PRPF8: variants seen among roughly 807,000 people sequenced by gnomAD.
PRPF8 encodes pre-mRNA processing factor 8, also known as pre-mRNA-processing-splicing factor 8.
In PRPF8, 64 loss-of-function variants were observed where a neutral mutation model predicts 285.9. The ratio of observed to expected loss-of-function variants is 0.22; its 90% CI spans 0.18 to 0.28. PRPF8 has a LOEUF of 0.28. PRPF8 is among the 10% of genes least tolerant of loss of function. The pLI is 1.00. For missense variants in PRPF8, 1,426 were observed against 3,026.7 expected (o/e 0.47, Z 12.41); for synonymous variants, 1,325 against 1,118.2 (o/e 1.18, Z -3.69).
At chr17:1,672,915 T>G in intron 24 of PRPF8, 166 bp downstream of exon 24, 1 of 704,426 alleles carries the variant, frequency 1.4e-6, no homozygotes, top group Non-Finnish European at 2.6e-6. Flanking sequence ...AAAATAACGA[T>G]GAAGTGACCT....
rs1294063252 is a variant in PRPF8, at chr17:1,676,071, G to A, written c.2553-17C>T. 5.6e-6 allele frequency: 9 copies of A among 1,612,716 alleles called. No individual in the cohort carries two copies. The highest frequency in any genetic ancestry group is 7.6e-6 in the Non-Finnish European group (9 of 1,180,026). The stretch of plus-strand genomic sequence containing the variant: ...GACTTCACACTGACAAAAGCAATGG[G>A]AAGGGTGAATGGGAAAACTAGGAGG... On this transcript the variant is annotated splice_polypyrimidine_tract_variant and intron_variant, in intron 17 of 42. Coordinates refer to ENST00000304992, the MANE Select transcript of PRPF8 (RefSeq NM_006445.4). This position sits in a 1 kb window ranked among gnomAD's most constrained non-coding sequence, Gnocchi z 6.3.
Position 1,684,762 on chromosome 17 carries a change from TA to T in PRPF8, c.-12+17del. ...GACCACGCCTCCCGCAGCCCGGCCT[TA>T]AACGCCTGCCACGCACCCCACAGGC... On this transcript the variant is annotated intron_variant, in intron 1 of 42. Coordinates refer to ENST00000304992, the MANE Select transcript of PRPF8 (RefSeq NM_006445.4). The T allele has an allele frequency of 1.6e-6, 1 of 641,506 alleles. No homozygotes were observed. Among genetic ancestry groups the T allele is most frequent in the Non-Finnish European group, 2.8e-6 (1 of 358,406 alleles). The allele number at this position is 641,506 out of a possible 1,614,324, so 39.7% of individuals were successfully genotyped here.
intron 3 of PRPF8, among the ~76,000 whole-genome samples, chr17:1,682,578 C>T (rs62089990): frequency 0.025 from 3,800 of 152,240 alleles, 68 homozygotes; most frequent in Middle Eastern, 0.041. Context: ...CATCCTATTC[C>T]CTCCGCATCT....
At position 1,675,043 on chromosome 17, in the gene PRPF8, G is replaced by T. The variant is rs1912541303; in HGVS notation, c.3060+109C>A. 1.1e-5 allele frequency: 15 copies of T among 1,326,912 alleles called. No individual in the cohort carries two copies. The highest frequency in any genetic ancestry group is 1.5e-5 in the Non-Finnish European group (14 of 938,216). 82.2% of individuals were successfully genotyped at this position (1,326,912 alleles called of 1,614,324 possible). ...CCGCCTCAGCCTCCCAAAGTGCTGGGATTACAGGCATGAGCCACCGCACCC... is the reference window on the plus strand; with the variant it reads ...CCGCCTCAGCCTCCCAAAGTGCTGGTATTACAGGCATGAGCCACCGCACCC... On this transcript the variant is annotated intron_variant, in intron 20 of 42. Coordinates refer to ENST00000304992, the MANE Select transcript of PRPF8 (RefSeq NM_006445.4). The surrounding 1 kb of genome is among the most constrained non-coding windows in gnomAD (Gnocchi z 6.0).
chr17:1,654,499 GA>G (rs1911248258), intron 37 of PRPF8: 1 of 256,662 alleles, frequency 3.9e-6, no homozygotes, highest in Admixed American at 5.0e-5. Flanking sequence ...GGACAGTAAA[GA>G]AATGCCCTGT....
Position 1,653,331 on chromosome 17 carries a change from C to T in PRPF8, c.6369+211G>A. 1.5e-6 allele frequency: 1 copy of T among 667,212 alleles called. No homozygotes were observed. The highest frequency in any genetic ancestry group is 2.7e-6 in the Non-Finnish European group (1 of 376,174). The allele number at this position is 667,212 out of a possible 1,614,324, so 41.3% of individuals were successfully genotyped here. Reference sequence around the variant, plus strand: ...TGTTCTCTTCCAAATACTATCAGGCCAATACTACAATTACTACCTTCTCTC... The same window carrying T: ...TGTTCTCTTCCAAATACTATCAGGCTAATACTACAATTACTACCTTCTCTC... On this transcript the variant is annotated intron_variant, in intron 39 of 42. Transcript: ENST00000304992. This position sits in a 1 kb window ranked among gnomAD's most constrained non-coding sequence, Gnocchi z 4.9.
At position 1,656,458 on chromosome 17, in the gene PRPF8, G is replaced by T. The variant is rs754652405; in HGVS notation, c.5727C>A (p.Ala1909=). The change falls in exon 36 of 43, where the codon GCC becomes GCA. Residue 1909 remains alanine (A), a synonymous_variant. Coordinates refer to ENST00000304992, the MANE Select transcript of PRPF8 (RefSeq NM_006445.4). ...VEKFGDLILK[A]TEPQMVLFNL... is the part of the protein sequence containing the mutation. Reference sequence around the variant, plus strand: ...TGAAGAGAACCATCTGGGGCTCAGTGGCTTTAAGGATGAGATCCCCGAATT... The same window carrying T: ...TGAAGAGAACCATCTGGGGCTCAGTTGCTTTAAGGATGAGATCCCCGAATT... The T allele has an allele frequency of 1.2e-6, 2 of 1,614,050 alleles. No homozygotes were observed. Among genetic ancestry groups the T allele is most frequent in the African/African-American group, 2.7e-5 (2 of 74,916 alleles).
rs1912448933 is a variant in PRPF8 at position 1,673,670 on chromosome 17, A to T, written c.3446+76T>A. The T allele has an allele frequency of 1.4e-5, 23 of 1,611,754 alleles. No individual in the cohort carries two copies. The highest frequency in any genetic ancestry group is 2.0e-5 in the Non-Finnish European group (23 of 1,179,092). Reference sequence around the variant, plus strand: ...CACAGCCACGCCTCTCCCACCCAGGACGCAGCCTCAGGTATGCCCTCTCTG... The same window carrying T: ...CACAGCCACGCCTCTCCCACCCAGGTCGCAGCCTCAGGTATGCCCTCTCTG... On this transcript the variant is annotated intron_variant, in intron 22 of 42. Coordinates refer to ENST00000304992, the MANE Select transcript of PRPF8 (RefSeq NM_006445.4). This position sits in a 1 kb window ranked among gnomAD's most constrained non-coding sequence, Gnocchi z 5.5.
intron 24 of PRPF8, among the ~76,000 whole-genome samples, chr17:1,664,592 C>T (rs560942505): frequency 3.5e-5 from 5 of 141,322 alleles, no homozygotes; most frequent in Admixed American, 2.0e-4. Flanking sequence ...GGATCGCTTG[C>T]GCCCAGGAGT....
intron 6 of PRPF8, among the ~76,000 whole-genome samples, 199 bp from the exon 7 acceptor site, chr17:1,681,253 C>T (rs1912906916): frequency 6.6e-6 from 1 of 152,086 alleles, no homozygotes; most frequent in Admixed American, 6.6e-5. Flanking sequence ...CGCCCAGCTA[C>T]ATTTTTTGGT....
intron 24 of PRPF8, among the ~76,000 whole-genome samples, chr17:1,664,758 T>C (rs537848222): frequency 6.6e-6 from 1 of 152,206 alleles, no homozygotes; most frequent in South Asian, 2.1e-4. Context: ...AACCCCCAAA[T>C]ATGTAAACAG....
chr17:1,670,717 C>G (rs921390575), intron 24 of PRPF8, among the ~76,000 whole-genome samples: 6 of 152,126 alleles, frequency 3.9e-5, no homozygotes, highest in African/African-American at 1.4e-4. Flanking sequence ...AAACTCCTGA[C>G]CTCAGGTGAT....
In PRPF8 at chr17:1,661,503, C is replaced by G; in HGVS notation, c.4203-97G>C. 3 of 1,608,236 alleles carry G rather than the reference C, an allele frequency of 1.9e-6. No individual in the cohort carries two copies. Among genetic ancestry groups the G allele is most frequent in the Non-Finnish European group, 2.5e-6 (3 of 1,177,052 alleles). On this transcript the variant is annotated intron_variant, in intron 26 of 42. Coordinates refer to ENST00000304992, the MANE Select transcript of PRPF8 (RefSeq NM_006445.4). The surrounding 1 kb of genome is among the most constrained non-coding windows in gnomAD (Gnocchi z 7.3). ...AAATAATTAGGGTCAGTAGAACCAG[C>G]CTTCTCACCTCCATACAACCATGGC...
rs776123980 is a variant in PRPF8 at position 1,662,133 on chromosome 17, T to G, written c.3795A>C (p.Thr1265=). ...TFTKIVNKWN[T]ALIGLMTYFR... is the part of the protein sequence containing the mutation. ...AGTATGTCATAAGGCCAATGAGAGCTGTATTCCACTTATTCACAATCTAAA... is the reference window on the plus strand; with the variant it reads ...AGTATGTCATAAGGCCAATGAGAGCGGTATTCCACTTATTCACAATCTAAA... Residue 1265 remains threonine (T), a synonymous_variant, in exon 25 of 43, where the codon ACA becomes ACC. Coordinates refer to ENST00000304992, the MANE Select transcript of PRPF8 (RefSeq NM_006445.4). 1.2e-6 allele frequency: 2 copies of G among 1,614,194 alleles called. No individual in the cohort carries two copies. Among genetic ancestry groups the G allele is most frequent in the Admixed American group, 3.3e-5 (2 of 60,020 alleles).
Position 1,653,443 on chromosome 17 carries a change from T to G in PRPF8, c.6369+99A>C. 1 of 1,532,350 alleles carries G rather than the reference T, an allele frequency of 6.5e-7. No homozygotes were observed. Among genetic ancestry groups the G allele is most frequent in the East Asian group, 2.3e-5 (1 of 44,316 alleles). 94.9% of individuals were successfully genotyped at this position (1,532,350 alleles called of 1,614,324 possible). On this transcript the variant is annotated intron_variant, in intron 39 of 42. Coordinates refer to ENST00000304992, the MANE Select transcript of PRPF8 (RefSeq NM_006445.4). The surrounding 1 kb of genome is among the most constrained non-coding windows in gnomAD (Gnocchi z 4.9). Reference sequence around the variant, plus strand: ...TGTATAATTACTCATCCATGAATCTTGAAACCAGCATCTCAAGTTCCAGAC... The same window carrying G: ...TGTATAATTACTCATCCATGAATCTGGAAACCAGCATCTCAAGTTCCAGAC...
At position 1,661,868 on chromosome 17, in the gene PRPF8, A is replaced by G; in HGVS notation, c.4022+38T>C. ...AAATACCCACTTCCCTTAGGGCCTG[A>G]GCAATAGGGTTTAGAAATACGTTGA... On this transcript the variant is annotated intron_variant, in intron 25 of 42. Transcript: ENST00000304992. The surrounding 1 kb of genome is among the most constrained non-coding windows in gnomAD (Gnocchi z 7.3). 1 of 1,614,176 alleles carries G rather than the reference A, an allele frequency of 6.2e-7. No homozygotes were observed. The highest frequency in any genetic ancestry group is 1.1e-5 in the South Asian group (1 of 91,090).
chr17:1,681,494 G>C lies in PRPF8; in HGVS notation c.850C>G (p.Arg284Gly). Residue 284 changes from arginine to glycine, a missense_variant, in exon 6 of 43, where the codon CGA becomes GGA. Coordinates refer to ENST00000304992, the MANE Select transcript of PRPF8 (RefSeq NM_006445.4). Reference sequence around the variant, plus strand: ...CCAACTCACTGTAGGTTGATGTCTCGAACAAGAGGTTCAAATTTGGGGCCT... The same window carrying C: ...CCAACTCACTGTAGGTTGATGTCTCCAACAAGAGGTTCAAATTTGGGGCCT... ...PGGPKFEPLVRDINLQDEDWN... is the reference protein window; with the variant it reads ...PGGPKFEPLVGDINLQDEDWN... 6.3e-7 allele frequency: 1 copy of C among 1,599,114 alleles called. No homozygotes were observed. Among genetic ancestry groups the C allele is most frequent in the East Asian group, 2.2e-5 (1 of 44,796 alleles).
At chr17:1,656,356 C>T in intron 36 of PRPF8, 36 bp downstream of exon 36, 1 of 1,613,686 alleles carries the variant, frequency 6.2e-7, no homozygotes, top group Non-Finnish European at 8.5e-7. Context: ...TAAACCCGCT[C>T]CTCCTCCAGC....
At chr17:1,660,095 T>C in intron 30 of PRPF8, 94 bp from the exon 31 acceptor site, 1 of 1,397,526 alleles carries the variant, frequency 7.2e-7, no homozygotes. Context: ...AGGAGTCTCA[T>C]CCTCAGAGCT....
Sources: gnomAD v4.1 joint callset for allele counts (sites outside exome capture counted in the v4.1 genomes callset) on GRCh38, gnomAD v4.1.1 for gene constraint, Gnocchi (gnomAD v3.1) non-coding constraint, MANE v1.5 for transcripts, NCBI Gene and HGNC (gene_info 2026-07-23, HGNC 2026-07-21) for gene names.